SERPING1: variants seen among roughly 807,000 people sequenced by gnomAD.
The protein encoded by SERPING1 is serpin family G member 1.
SERPING1 carries 5 observed loss-of-function variants against 34.1 expected under a neutral mutation model. That is an observed-to-expected ratio of 0.15 (90% CI 0.08 to 0.31). The LOEUF is 0.31. Ranked by LOEUF, SERPING1 falls within the 10% of genes least tolerant of loss-of-function variation. The pLI is 1.00. For missense variants in SERPING1, 505 were observed against 609.5 expected (o/e 0.83, Z 1.81); for synonymous variants, 225 against 242.4 (o/e 0.93, Z 0.67).
chr11:57,606,783 A>C (rs1464714457), intron 6 of SERPING1: 1 of 691,284 alleles, frequency 1.4e-6, no homozygotes, highest in Non-Finnish European at 2.6e-6. Context: ...CATCTCTACT[A>C]TATTGAATGG....
chr11:57,612,959 C>G (rs1484285965), intron 7 of SERPING1, among the ~76,000 whole-genome samples: 1 of 151,492 alleles, frequency 6.6e-6, no homozygotes, highest in Non-Finnish European at 1.5e-5. Context: ...GTTGGTGAAG[C>G]TGGTCTTGAA....
At chr11:57,600,562 A>G (rs1261971554) in intron 3 of SERPING1, among the ~76,000 whole-genome samples, 185 bp downstream of exon 3, 1 of 152,230 alleles carries the variant, frequency 6.6e-6, no homozygotes, top group Non-Finnish European at 1.5e-5. Flanking sequence ...ACAGTGATGT[A>G]ATAGGCACGA....
In SERPING1 at chr11:57,600,152, C is replaced by A; in HGVS notation, c.325C>A (p.Leu109Ile). ...CCAACCCACCCAACCAACTACCCAG[C>A]TCCCAACAGATTCTCCTACCCAGCC... ...TIQPTQPTTQ[L>I]PTDSPTQPTT... is the part of the protein sequence containing the mutation. Residue 109 changes from leucine (L) to isoleucine (I), a missense_variant, in exon 3 of 8, where the codon CTC becomes ATC. Coordinates refer to ENST00000278407, the MANE Select transcript of SERPING1 (RefSeq NM_000062.3). 1 of 1,613,580 alleles carries A rather than the reference C, an allele frequency of 6.2e-7. No homozygotes were observed. Among genetic ancestry groups the A allele is most frequent in the Non-Finnish European group, 8.5e-7 (1 of 1,179,852 alleles).
Position 57,614,357 on chromosome 11 carries a change from C to G in SERPING1, c.1279C>G (p.Leu427Val), listed in dbSNP as rs1945512717. Residue 427 changes from leucine (L) to valine (V), a missense_variant, in exon 8 of 8, where the codon CTG (leucine) becomes GTG (valine). Coordinates refer to ENST00000278407, the MANE Select transcript of SERPING1 (RefSeq NM_000062.3). ...EFFDFSYDLN[L>V]CGLTEDPDLQ... ...CTTCGATTTTTCTTATGACCTTAAC[C>G]TGTGTGGGCTGACAGAGGACCCAGA... The G allele has an allele frequency of 6.2e-7, 1 of 1,614,058 alleles. No homozygotes were observed. The highest frequency in any genetic ancestry group is 1.6e-4 in the Middle Eastern group (1 of 6,062).
chr11:57,601,943 C>A, intron 3 of SERPING1, 92 bp from the exon 4 acceptor site: 1 of 1,391,584 alleles, frequency 7.2e-7, no homozygotes, highest in Non-Finnish European at 1.0e-6. Context: ...GCAGGGAATA[C>A]CCTCCATTCC....
chr11:57,614,389 G>A lies in SERPING1; in HGVS notation c.1311G>A (p.Gln437=), dbSNP rs371673553. The A allele has an allele frequency of 8.1e-6, 13 of 1,613,996 alleles. No homozygotes were observed. Among genetic ancestry groups the A allele is most frequent in the Non-Finnish European group, 1.1e-5 (13 of 1,180,034 alleles). The part of the protein sequence containing the change: ...LCGLTEDPDL[Q]VSAMQHQTVL... ...GGCTGACAGAGGACCCAGATCTTCAGGTTTCTGCGATGCAGCACCAGACAG... is the reference window on the plus strand; with the variant it reads ...GGCTGACAGAGGACCCAGATCTTCAAGTTTCTGCGATGCAGCACCAGACAG... The change falls in exon 8 of 8, where the codon CAG becomes CAA. Residue 437 remains glutamine, a synonymous_variant. Transcript: ENST00000278407.
chr11:57,597,893 C>T lies in SERPING1; in HGVS notation c.-23+171C>T, dbSNP rs28362940. 1.9e-3 allele frequency: 446 copies of T among 236,654 alleles called. 1 individual carries two copies. The highest frequency in any genetic ancestry group is 9.4e-3 in the African/African-American group (419 of 44,414). 14.7% of individuals were successfully genotyped at this position (236,654 alleles called of 1,614,324 possible). On this transcript the variant is annotated intron_variant, in intron 1 of 7. Transcript: ENST00000278407. The stretch of plus-strand genomic sequence containing the variant: ...CTCCTCCTACCCCAGCCCCTCCCGC[C>T]TCAGGCCTGTTGTGCTCAGCCCCCC...
intron 7 of SERPING1, 57 bp downstream of exon 7, chr11:57,611,993 C>T (rs1443751397): frequency 2.2e-6 from 3 of 1,378,240 alleles, no homozygotes; most frequent in Non-Finnish European, 3.1e-6. Context: ...AGGGGGGATC[C>T]CTAAGATGTA....
chr11:57,614,397 C>A lies in SERPING1; in HGVS notation c.1319C>A (p.Ala440Glu), dbSNP rs867177349. Residue 440 changes from alanine (A) to glutamate (E), a missense_variant, in exon 8 of 8, where the codon GCG (alanine) becomes GAG (glutamate). Transcript: ENST00000278407. ...LTEDPDLQVSAMQHQTVLELT... is the reference protein window; with the variant it reads ...LTEDPDLQVSEMQHQTVLELT... ...GAGGACCCAGATCTTCAGGTTTCTG[C>A]GATGCAGCACCAGACAGTGCTGGAA... is the stretch of plus-strand genomic sequence containing the variant. 3.1e-6 allele frequency: 5 copies of A among 1,614,072 alleles called. No homozygotes were observed. The highest frequency in any genetic ancestry group is 4.2e-6 in the Non-Finnish European group (5 of 1,180,016).
At chr11:57,599,795 A>G in intron 2 of SERPING1, 84 bp from the exon 3 acceptor site, 1 of 1,595,716 alleles carries the variant, frequency 6.3e-7, no homozygotes, top group South Asian at 1.1e-5. Context: ...TTCCACATCC[A>G]CACCTTCTCT....
intron 2 of SERPING1, among the ~76,000 whole-genome samples, chr11:57,598,529 G>A (rs908880751): frequency 6.6e-6 from 1 of 152,172 alleles, no homozygotes; most frequent in Non-Finnish European, 1.5e-5. Flanking sequence ...TAATCTTGGC[G>A]GGCCATGTAG....
intron 6 of SERPING1, 167 bp from the exon 7 acceptor site, chr11:57,611,550 C>G (rs1365578053): frequency 1.4e-6 from 1 of 714,362 alleles, no homozygotes. Context: ...CACTGTTCAC[C>G]CAGCTGGTAT....
At chr11:57,606,601 T>C (rs139743056) in intron 6 of SERPING1, 54 bp downstream of exon 6, 7 of 1,591,626 alleles carry the variant, frequency 4.4e-6, no homozygotes, top group Non-Finnish European at 4.3e-6. Flanking sequence ...GTCTCCTGAC[T>C]TTTTTTCTGC....
At chr11:57,612,093 T>C (rs1350125321) in intron 7 of SERPING1, among the ~76,000 whole-genome samples, 157 bp downstream of exon 7, 1 of 152,210 alleles carries the variant, frequency 6.6e-6, no homozygotes, top group Non-Finnish European at 1.5e-5. Flanking sequence ...ATTATCCCAT[T>C]GGATCATTGT....
At chr11:57,601,639 T>A (rs1009544276) in intron 3 of SERPING1, among the ~76,000 whole-genome samples, 1 of 151,722 alleles carries the variant, frequency 6.6e-6, no homozygotes, top group Non-Finnish European at 1.5e-5. Context: ...CCTGGCACTT[T>A]GGGAGGCCAA....
In SERPING1 at chr11:57,614,540, T is replaced by A. The variant is rs1348358787; in HGVS notation, c.1462T>A (p.Phe488Ile). The change falls in exon 8 of 8, where the codon TTC becomes ATC. Residue 488 changes from phenylalanine to isoleucine, a missense_variant. Phe to Ile is a conservative substitution (Grantham distance 21). Transcript: ENST00000278407. ...CGTGCTCTGGGACCAGCAGCACAAG[T>A]TCCCTGTCTTCATGGGGCGAGTATA... ...LFVLWDQQHK[F>I]PVFMGRVYDP... The A allele has an allele frequency of 4.3e-6, 7 of 1,614,008 alleles. No homozygotes were observed. The highest frequency in any genetic ancestry group is 5.9e-6 in the Non-Finnish European group (7 of 1,179,950).
chr11:57,598,320 G>A lies in SERPING1; in HGVS notation c.50G>A (p.Gly17Glu). Residue 17 changes from glycine (G) to glutamate (E), a missense_variant and splice_region_variant, in exon 2 of 8, where the codon GGG becomes GAG. Transcript: ENST00000278407. ...LLTLLLLLLA[G>E]DRASSNPNAT... ...ACCCTCCTGCTGCTGCTGCTGGCTG[G>A]GGTATGTGGTCCCTTGTGGGATGGG... is the stretch of plus-strand genomic sequence containing the variant. 1 of 1,562,894 alleles carries A rather than the reference G, an allele frequency of 6.4e-7. No individual in the cohort carries two copies. Among genetic ancestry groups the A allele is most frequent in the Non-Finnish European group, 8.7e-7 (1 of 1,155,282 alleles).
intron 2 of SERPING1, among the ~76,000 whole-genome samples, chr11:57,599,675 C>A (rs1945325140): frequency 6.6e-6 from 1 of 152,158 alleles, no homozygotes; most frequent in Non-Finnish European, 1.5e-5. Flanking sequence ...TCCTGTGCAC[C>A]CCCACCCTCA....
chr11:57,603,564 C>T (rs1025111834), intron 4 of SERPING1, among the ~76,000 whole-genome samples: 29 of 150,178 alleles, frequency 1.9e-4, no homozygotes, highest in African/African-American at 6.9e-4. Context: ...AAAGGCCGGG[C>T]GCGGTGGCTC....
Sources: gnomAD v4.1 joint callset for allele counts (sites outside exome capture counted in the v4.1 genomes callset) on GRCh38, gnomAD v4.1.1 for gene constraint, MANE v1.5 for transcripts, NCBI Gene and HGNC (gene_info 2026-07-23, HGNC 2026-07-21) for gene names.